The following GREB1L variants were observed in gnomAD, a reference collection of about 807,000 sequenced individuals.
The protein encoded by GREB1L is GREB1 like retinoic acid receptor coactivator, also known as GREB1-like protein.
A neutral mutation model predicts 200.8 loss-of-function variants in GREB1L; 17 were observed. The ratio of observed to expected loss-of-function variants is 0.08; its 90% CI spans 0.06 to 0.13. The LOEUF (loss-of-function observed/expected upper bound fraction) is 0.13, where lower values mean the gene tolerates loss of function less well. Among genes scored for constraint, GREB1L ranks in the 10% least tolerant of loss-of-function variants. The pLI is 1.00. For missense variants in GREB1L, 1,657 were observed against 2,367.7 expected (o/e 0.70, Z 6.23); for synonymous variants, 789 against 893.0 (o/e 0.88, Z 2.08).
At chr18:21,259,770 G>C (rs570104200) in intron 1 of GREB1L, among the ~76,000 whole-genome samples, 5 of 152,084 alleles carry the variant, frequency 3.3e-5, no homozygotes, top group African/African-American at 1.2e-4. Context: ...AATGGTATTG[G>C]TGATGTTAAG....
At chr18:21,518,001 A>T in intron 30 of GREB1L, 33 bp from the exon 31 acceptor site, 1 of 1,511,900 alleles carries the variant, frequency 6.6e-7, no homozygotes. Context: ...GTGACAGACA[A>T]GTTTCCCATG....
chr18:21,507,679 A>C (rs1320908019), intron 25 of GREB1L, among the ~76,000 whole-genome samples: 2 of 152,204 alleles, frequency 1.3e-5, no homozygotes, highest in African/African-American at 4.8e-5. Flanking sequence ...CTGGAGAGGC[A>C]TTTTAATGTC....
At chr18:21,285,883 T>C (rs998028153) in intron 1 of GREB1L, among the ~76,000 whole-genome samples, 10 of 152,176 alleles carry the variant, frequency 6.6e-5, no homozygotes, top group African/African-American at 2.4e-4. Flanking sequence ...CTCTACAGCT[T>C]AGCATGGTCT....
In GREB1L at chr18:21,524,821, A is replaced by AGAT. The variant is rs1334508283; in HGVS notation, c.*2001_*2003dup. ...CTTAAATACTATTTAACTCTGGAAG[A>AGAT]GATATGCCAGAATAAAGCCAAAAGA... On this transcript the variant is annotated 3_prime_UTR_variant, in exon 33 of 33. Transcript: ENST00000424526. 6.6e-6 allele frequency: 1 copy of AGAT among 150,878 alleles called. No homozygotes were observed. Among genetic ancestry groups the AGAT allele is most frequent in the Non-Finnish European group, 1.5e-5 (1 of 67,228 alleles). 9.3% of individuals were successfully genotyped at this position (150,878 alleles called of 1,614,324 possible).
At chr18:21,282,373 A>G (rs117159665) in intron 1 of GREB1L, among the ~76,000 whole-genome samples, 1,710 of 152,126 alleles carry the variant, frequency 0.011, 22 homozygotes, top group Middle Eastern at 0.027. Flanking sequence ...TTTCTCCCCT[A>G]CTCTTTTCCC....
intron 7 of GREB1L, among the ~76,000 whole-genome samples, chr18:21,426,976 A>C (rs1381950317): frequency 2.4e-4 from 19 of 79,646 alleles, no homozygotes; most frequent in Middle Eastern, 0.012. Flanking sequence ...AAAAAAACAA[A>C]AAAAAAAAAA....
At chr18:21,339,973 G>T (rs767214572) in intron 1 of GREB1L, among the ~76,000 whole-genome samples, 3 of 152,150 alleles carry the variant, frequency 2.0e-5, no homozygotes, top group Non-Finnish European at 4.4e-5. Context: ...TAAGTGGTAT[G>T]GGTTTATTTG....
At chr18:21,441,621 A>G (rs2033907430) in intron 10 of GREB1L, 84 bp downstream of exon 10, 1 of 1,234,576 alleles carries the variant, frequency 8.1e-7, no homozygotes, top group African/African-American at 1.5e-5. Flanking sequence ...TCATGTATTC[A>G]TGAAGATATT....
chr18:21,312,819 T>G (rs1269144895), intron 1 of GREB1L, among the ~76,000 whole-genome samples: 1 of 152,234 alleles, frequency 6.6e-6, no homozygotes, highest in African/African-American at 2.4e-5. Flanking sequence ...CCCAAAATTC[T>G]GGGATTACAG....
chr18:21,424,868 A>G (rs1426829384), intron 7 of GREB1L, among the ~76,000 whole-genome samples: 7 of 152,008 alleles, frequency 4.6e-5, no homozygotes, highest in African/African-American at 1.7e-4. Flanking sequence ...TTCTATTTCT[A>G]TGTATTTGTC....
chr18:21,412,051 C>CAAAAAAAAAAAA (rs962603456), intron 7 of GREB1L, among the ~76,000 whole-genome samples: 5 of 30,506 alleles, frequency 1.6e-4, no homozygotes, highest in African/African-American at 4.4e-4. Flanking sequence ...GACTCCGTCT[C>CAAAAAAAAAAAA]AAAAAAAAAA....
intron 31 of GREB1L, among the ~76,000 whole-genome samples, chr18:21,520,158 C>G (rs2037563267): frequency 6.6e-6 from 1 of 152,186 alleles, no homozygotes; most frequent in Admixed American, 6.5e-5. Flanking sequence ...CCAGACTGCT[C>G]TCCAACTCCT....
chr18:21,377,444 T>C (rs1398808550), intron 2 of GREB1L, among the ~76,000 whole-genome samples: 2 of 152,186 alleles, frequency 1.3e-5, no homozygotes, highest in Non-Finnish European at 2.9e-5. Flanking sequence ...ATAATTACTC[T>C]TATTATTAAA....
chr18:21,340,186 G>A (rs1382303498), intron 1 of GREB1L, among the ~76,000 whole-genome samples: 7 of 152,168 alleles, frequency 4.6e-5, no homozygotes, highest in African/African-American at 1.7e-4. Flanking sequence ...GGGAGGCTGA[G>A]GCGGGCAGAT....
chr18:21,299,408 G>GT (rs2038582080), intron 1 of GREB1L, among the ~76,000 whole-genome samples: 1 of 151,456 alleles, frequency 6.6e-6, no homozygotes, highest in Non-Finnish European at 1.5e-5. Context: ...TTCAAAACAA[G>GT]TTTTTTAAAA....
At chr18:21,488,175 A>G (rs573946766) in intron 18 of GREB1L, among the ~76,000 whole-genome samples, 1 of 152,300 alleles carries the variant, frequency 6.6e-6, no homozygotes, top group South Asian at 2.1e-4. Flanking sequence ...GCATGCCTGT[A>G]ATCCCAGCTA....
At chr18:21,433,128 AT>A (rs2033289993) in intron 7 of GREB1L, among the ~76,000 whole-genome samples, 1 of 152,192 alleles carries the variant, frequency 6.6e-6, no homozygotes, top group African/African-American at 2.4e-5. Context: ...CTCCTTCAAT[AT>A]GTTAAGACAA....
chr18:21,279,946 G>A (rs895925765), intron 1 of GREB1L, among the ~76,000 whole-genome samples: 43 of 152,090 alleles, frequency 2.8e-4, no homozygotes, highest in African/African-American at 8.9e-4. Flanking sequence ...CAAATATACC[G>A]TTTTGAACCC....
intron 10 of GREB1L, among the ~76,000 whole-genome samples, chr18:21,443,848 T>C (rs542082410): frequency 7.2e-5 from 11 of 152,374 alleles, no homozygotes; most frequent in African/African-American, 2.6e-4. Flanking sequence ...TAATACTTAA[T>C]ACAGTGCCTA....
Sources: allele counts gnomAD v4.1 joint callset (sites outside exome capture counted in the v4.1 genomes callset), GRCh38; gene constraint gnomAD v4.1.1; transcripts MANE v1.5; gene names NCBI Gene and HGNC (gene_info 2026-07-23, HGNC 2026-07-21).